Variants in EYS observed in about 807,000 individuals in gnomAD.
EYS encodes the protein protein eyes shut homolog.
A neutral mutation model predicts 282.1 loss-of-function variants in EYS; 250 were observed. That is an observed-to-expected ratio of 0.89 (90% confidence interval 0.80 to 0.98). The LOEUF (loss-of-function observed/expected upper bound fraction) is 0.98, where lower values mean the gene tolerates loss of function less well. Among genes scored for constraint, EYS ranks in the 50% least tolerant of loss-of-function variants. The pLI is 0.00. For missense variants in EYS, 4,016 were observed against 3,709.0 expected (o/e 1.08, Z -2.15); for synonymous variants, 1,355 against 1,282.9 (o/e 1.06, Z -1.20).
At chr6:65,693,859 C>T (rs1342337217) in intron 1 of EYS, among the ~76,000 whole-genome samples, 2 of 150,020 alleles carry the variant, frequency 1.3e-5, no homozygotes, top group Admixed American at 6.7e-5. Flanking sequence ...GCACCCATCT[C>T]AGCTTGCACA....
At chr6:65,029,049 A>G (rs1315314353) in intron 13 of EYS, among the ~76,000 whole-genome samples, 1 of 152,004 alleles carries the variant, frequency 6.6e-6, no homozygotes, top group Non-Finnish European at 1.5e-5. Flanking sequence ...ATTTCCTCCT[A>G]CTTAGCCAGT....
intron 28 of EYS, among the ~76,000 whole-genome samples, chr6:64,419,160 C>T (rs546041792): frequency 8.6e-4 from 131 of 152,238 alleles, no homozygotes; most frequent in African/African-American, 2.4e-3. Context: ...AGTCCATTCT[C>T]GTGCTGCTAA....
At chr6:63,906,714 A>G (rs569703192) in intron 35 of EYS, among the ~76,000 whole-genome samples, 1 of 152,320 alleles carries the variant, frequency 6.6e-6, no homozygotes, top group Non-Finnish European at 1.5e-5. Context: ...TAACAGAGGT[A>G]TGATAGTAAA....
At chr6:65,098,164 A>G (rs999127858) in intron 12 of EYS, among the ~76,000 whole-genome samples, 18 of 150,752 alleles carry the variant, frequency 1.2e-4, no homozygotes, top group Non-Finnish European at 3.0e-5. Flanking sequence ...GCAATATAAG[A>G]ATGCTTTTCT....
At chr6:64,817,882 T>C (rs955400599) in intron 21 of EYS, among the ~76,000 whole-genome samples, 1 of 152,194 alleles carries the variant, frequency 6.6e-6, no homozygotes, top group African/African-American at 2.4e-5. Flanking sequence ...ATGTCTTTGC[T>C]ATTTATACAC....
intron 12 of EYS, among the ~76,000 whole-genome samples, chr6:65,237,116 A>G (rs536670915): frequency 6.6e-6 from 1 of 152,176 alleles, no homozygotes; most frequent in South Asian, 2.1e-4. Context: ...GAACTGGGTA[A>G]ACCTGGGTAA....
At chr6:64,103,787 A>C (rs555793097) in intron 31 of EYS, among the ~76,000 whole-genome samples, 6 of 152,256 alleles carry the variant, frequency 3.9e-5, no homozygotes, top group Admixed American at 1.3e-4. Flanking sequence ...GTTTTTAAAA[A>C]AGCTTTAACA....
At chr6:64,003,992 A>G (rs1768219170) in intron 33 of EYS, among the ~76,000 whole-genome samples, 2 of 152,184 alleles carry the variant, frequency 1.3e-5, no homozygotes, top group South Asian at 2.1e-4. Flanking sequence ...TCTTTCCTCT[A>G]TAAATTAGAC....
chr6:64,703,324 T>TA (rs1260502286), intron 22 of EYS, among the ~76,000 whole-genome samples: 2 of 149,386 alleles, frequency 1.3e-5, no homozygotes, highest in Non-Finnish European at 3.0e-5. Context: ...GCTAATTTTT[T>TA]ATGTATGTAT....
Position 64,228,623 on chromosome 6 carries a change from C to T in EYS, c.6424+1969G>A, listed in dbSNP as rs536899773. Among the ~76,000 whole-genome samples, 5 of 152,076 alleles carry T rather than the reference C, an allele frequency of 3.3e-5. No individual in the cohort carries two copies. In the South Asian group the frequency reaches 1.0e-3, roughly 32 times the overall value. ...ATTAGTTTTTAAAATATTATAAATT[C>T]AGCAAGAAAAATAGTTAAAAACTTA... On this transcript the variant is annotated intron_variant, in intron 31 of 42. Transcript: ENST00000503581.
intron 35 of EYS, among the ~76,000 whole-genome samples, chr6:63,946,999 A>G (rs551788454): frequency 1.3e-5 from 2 of 152,222 alleles, no homozygotes; most frequent in Admixed American, 1.3e-4. Context: ...AAAATTTAAA[A>G]GATATCTGTG....
intron 12 of EYS, among the ~76,000 whole-genome samples, chr6:65,216,082 C>A (rs796300451): frequency 1.3e-5 from 2 of 152,040 alleles, no homozygotes; most frequent in African/African-American, 4.8e-5. Context: ...CAAAGATGTA[C>A]TTACATATAA....
chr6:64,341,258 T>C (rs1771098095), intron 29 of EYS, among the ~76,000 whole-genome samples: 1 of 151,736 alleles, frequency 6.6e-6, no homozygotes, highest in Admixed American at 6.6e-5. Context: ...GAATCATATG[T>C]TCATTGTCAC....
chr6:63,923,906 G>T (rs1764642830), intron 35 of EYS, among the ~76,000 whole-genome samples: 1 of 151,952 alleles, frequency 6.6e-6, no homozygotes, highest in African/African-American at 2.4e-5. Context: ...ACTCTGGCTG[G>T]TACCATAAAA....
chr6:64,646,444 T>C (rs376878608), intron 22 of EYS, among the ~76,000 whole-genome samples: 32 of 152,158 alleles, frequency 2.1e-4, no homozygotes, highest in Non-Finnish European at 4.0e-4. Flanking sequence ...TTCCCAAATA[T>C]TCTCATATTA....
chr6:64,373,430 T>C (rs879541318), intron 29 of EYS, among the ~76,000 whole-genome samples: 4 of 152,158 alleles, frequency 2.6e-5, no homozygotes, highest in Admixed American at 6.5e-5. Flanking sequence ...AGCTGTATTG[T>C]CAGGTTGGCC....
At chr6:64,129,671 T>C (rs1264855303) in intron 31 of EYS, among the ~76,000 whole-genome samples, 1 of 152,204 alleles carries the variant, frequency 6.6e-6, no homozygotes, top group Non-Finnish European at 1.5e-5. Flanking sequence ...TTTGTTGCCA[T>C]TGCTTTTGGT....
At chr6:63,789,277 C>G in intron 37 of EYS, 53 bp from the exon 38 acceptor site, 2 of 1,508,864 alleles carry the variant, frequency 1.3e-6, no homozygotes, top group Non-Finnish European at 9.0e-7. Context: ...TTCAGGAGTT[C>G]CGTCAGCTTT....
At chr6:64,397,820 TG>T (rs1165082855) in intron 28 of EYS, among the ~76,000 whole-genome samples, 6 of 151,994 alleles carry the variant, frequency 3.9e-5, no homozygotes, top group Non-Finnish European at 5.9e-5. Context: ...TTTACTCTTT[TG>T]TTTCTAAGGT....
Sources: gnomAD v4.1 joint callset for allele counts (sites outside exome capture counted in the v4.1 genomes callset) on GRCh38, gnomAD v4.1.1 for gene constraint, MANE v1.5 for transcripts, NCBI Gene and HGNC (gene_info 2026-07-23, HGNC 2026-07-21) for gene names.